The following FAT3 variants were observed in gnomAD, a reference collection of about 807,000 sequenced individuals.
The protein encoded by FAT3 is protocadherin Fat 3.
FAT3 carries 95 observed loss-of-function variants against 310.2 expected under a neutral mutation model. The observed-to-expected ratio is 0.31, with a 90% confidence interval of 0.26 to 0.36. The LOEUF is 0.36. Among genes scored for constraint, FAT3 ranks in the 10% least tolerant of loss-of-function variants. The pLI is 1.00. For missense variants in FAT3, 5,408 were observed against 5,715.6 expected (o/e 0.95, Z 1.74); for synonymous variants, 2,314 against 2,192.9 (o/e 1.06, Z -1.54).
At position 92,371,632 on chromosome 11, in the gene FAT3, G is replaced by A. The variant is rs547135097; in HGVS notation, c.3292+16228G>A. 2.6e-5 allele frequency among the ~76,000 whole-genome samples: 4 copies of A among 152,274 alleles called. No homozygotes were observed. In the South Asian group the frequency reaches 8.3e-4, roughly 32 times the overall value. The stretch of plus-strand genomic sequence containing the variant: ...CTCAGGAGACTGAGGCAGGAAAATT[G>A]CTTGAACCCTGGAGGTGGAGGTTGC... On this transcript the variant is annotated intron_variant, in intron 2 of 27. Coordinates refer to ENST00000525166, the MANE Select transcript of FAT3 (RefSeq NM_001367949.2).
intron 1 of FAT3, among the ~76,000 whole-genome samples, chr11:92,263,997 A>G (rs1945861513): frequency 6.6e-6 from 1 of 152,114 alleles, no homozygotes; most frequent in Non-Finnish European, 1.5e-5. Context: ...CATTTTACAG[A>G]TTGAGAAATT....
chr11:92,289,036 C>T (rs1346290805), intron 1 of FAT3, among the ~76,000 whole-genome samples: 2 of 152,130 alleles, frequency 1.3e-5, no homozygotes, highest in African/African-American at 4.8e-5. Context: ...TTGCGGGACT[C>T]ACCATTGGCT....
At chr11:92,582,302 G>T (rs1450195814) in intron 3 of FAT3, among the ~76,000 whole-genome samples, 2 of 151,954 alleles carry the variant, frequency 1.3e-5, no homozygotes, top group African/African-American at 4.8e-5. Flanking sequence ...GTCAGGGAAT[G>T]CAGTCCAGTA....
At chr11:92,610,886 C>T (rs1026623902) in intron 3 of FAT3, among the ~76,000 whole-genome samples, 2 of 152,130 alleles carry the variant, frequency 1.3e-5, no homozygotes, top group South Asian at 2.1e-4. Flanking sequence ...GCTGAAGCCT[C>T]TGCCTCCTCC....
chr11:92,377,212 C>T (rs1285004366), intron 2 of FAT3, among the ~76,000 whole-genome samples: 4 of 152,094 alleles, frequency 2.6e-5, no homozygotes, highest in Admixed American at 6.5e-5. Context: ...ATATAATGGA[C>T]GTATAATGGC....
intron 3 of FAT3, among the ~76,000 whole-genome samples, chr11:92,678,961 C>A (rs1943380386): frequency 1.3e-5 from 2 of 152,112 alleles, no homozygotes; most frequent in Non-Finnish European, 2.9e-5. Context: ...TTTCTCATCA[C>A]CCTTCTGAGT....
intron 3 of FAT3, among the ~76,000 whole-genome samples, chr11:92,694,927 A>G (rs1227158522): frequency 1.3e-5 from 2 of 152,198 alleles, no homozygotes; most frequent in African/African-American, 2.4e-5. Context: ...GACCTTGTCC[A>G]ATAGAATGGC....
chr11:92,457,591 A>C (rs893836097), intron 2 of FAT3, among the ~76,000 whole-genome samples: 38 of 152,228 alleles, frequency 2.5e-4, no homozygotes, highest in Non-Finnish European at 4.9e-4. Flanking sequence ...TTAATCTCCC[A>C]AAAACTGTAT....
chr11:92,398,712 G>C (rs573732284), intron 2 of FAT3, among the ~76,000 whole-genome samples: 1 of 152,052 alleles, frequency 6.6e-6, no homozygotes, highest in East Asian at 1.9e-4. Flanking sequence ...CAATTCAACC[G>C]ATAATAAATA....
chr11:92,773,027 A>G (rs1591713288), intron 6 of FAT3, among the ~76,000 whole-genome samples: 1 of 152,214 alleles, frequency 6.6e-6, no homozygotes, highest in African/African-American at 2.4e-5. Context: ...AAATAAAATT[A>G]CTGTCTGAGA....
chr11:92,801,672 C>T lies in FAT3; in HGVS notation c.8659C>T (p.Pro2887Ser), dbSNP rs754940313. The T allele has an allele frequency of 5.6e-6, 9 of 1,613,738 alleles. No individual in the cohort carries two copies. Among genetic ancestry groups the T allele is most frequent in the Non-Finnish European group, 6.8e-6 (8 of 1,179,836 alleles). ...TLKDLDHETD[P>S]TFTFSVVASD... ...GAAGGACCTAGATCACGAGACAGAC[C>T]CCACATTCACCTTCTCTGTGGTGGC... The change falls in exon 10 of 28, where the codon CCC (proline) becomes TCC (serine). Residue 2887 changes from proline (P) to serine (S), a missense_variant. This residue lies in a region of FAT3 where 4,588 missense variants were observed against 4,809.8 expected (regional missense o/e 0.95). Coordinates refer to ENST00000525166, the MANE Select transcript of FAT3 (RefSeq NM_001367949.2).
At chr11:92,748,082 G>T (rs903055279) in intron 4 of FAT3, among the ~76,000 whole-genome samples, 5 of 152,136 alleles carry the variant, frequency 3.3e-5, no homozygotes, top group African/African-American at 1.2e-4. Context: ...TTTTCATGCT[G>T]CTAATGAAGA....
At chr11:92,477,312 T>C (rs1220276021) in intron 2 of FAT3, among the ~76,000 whole-genome samples, 1 of 152,238 alleles carries the variant, frequency 6.6e-6, no homozygotes. Flanking sequence ...CCTCCTGCTT[T>C]GTGTAGGTGG....
At chr11:92,231,250 G>GAACA (rs1000260009) in intron 1 of FAT3, among the ~76,000 whole-genome samples, 3 of 152,098 alleles carry the variant, frequency 2.0e-5, no homozygotes, top group African/African-American at 7.2e-5. Flanking sequence ...CTTTGTCACA[G>GAACA]AACACCTCAG....
In FAT3 at chr11:92,430,989, A is replaced by G. The variant is rs533172222; in HGVS notation, c.3292+75585A>G. Among the ~76,000 whole-genome samples the G allele has an allele frequency of 3.8e-3, 578 of 152,276 alleles. 1 individual carries two copies. The highest frequency in any genetic ancestry group is 0.013 in the African/African-American group (529 of 41,536). Reference sequence around the variant, plus strand: ...TAAACATACGTGTGCATGTGTCTTTATAGCAGCATGATTTATAATCCTTTG... The same window carrying G: ...TAAACATACGTGTGCATGTGTCTTTGTAGCAGCATGATTTATAATCCTTTG... On this transcript the variant is annotated intron_variant, in intron 2 of 27. Transcript: ENST00000525166.
chr11:92,334,546 CTAGGGTTTTTT>C (rs1208512407), intron 1 of FAT3, among the ~76,000 whole-genome samples: 3 of 149,388 alleles, frequency 2.0e-5, no homozygotes, highest in Admixed American at 6.6e-5. Flanking sequence ...GATCTATTGC[CTAGGGTTTTTT>C]TTTTCTTTCT....
At chr11:92,746,457 A>G (rs1565560634) in intron 4 of FAT3, among the ~76,000 whole-genome samples, 1 of 152,182 alleles carries the variant, frequency 6.6e-6, no homozygotes, top group Non-Finnish European at 1.5e-5. Flanking sequence ...CACCGTTGAT[A>G]TGTGGGGATT....
chr11:92,346,564 TG>T (rs1232210683), intron 1 of FAT3, among the ~76,000 whole-genome samples: 1 of 152,228 alleles, frequency 6.6e-6, no homozygotes, highest in Non-Finnish European at 1.5e-5. Context: ...ACTCGTTTTT[TG>T]TTTTGTATCC....
chr11:92,575,716 A>G (rs1938445810), intron 3 of FAT3, among the ~76,000 whole-genome samples: 1 of 152,164 alleles, frequency 6.6e-6, no homozygotes, highest in African/African-American at 2.4e-5. Context: ...GAATAAATAT[A>G]TACCTCTTTC....
Sources: allele counts gnomAD v4.1 joint callset (sites outside exome capture counted in the v4.1 genomes callset), GRCh38; gene constraint gnomAD v4.1.1; regional missense constraint gnomAD v4.1.1; transcripts MANE v1.5; gene names NCBI Gene and HGNC (gene_info 2026-07-23, HGNC 2026-07-21).